The following BMPR1B variants were observed in gnomAD, a reference collection of about 807,000 sequenced individuals.
The protein encoded by BMPR1B is bone morphogenetic protein receptor type 1B, also known as bone morphogenetic protein receptor type-1B.
BMPR1B carries 12 observed loss-of-function variants against 59.1 expected under a neutral mutation model. That is an observed-to-expected ratio of 0.20 (90% CI 0.13 to 0.33). BMPR1B has a LOEUF of 0.33. Ranked by LOEUF, BMPR1B falls within the 10% of genes least tolerant of loss-of-function variation. The pLI is 1.00. For missense variants in BMPR1B, 550 were observed against 610.9 expected, an observed-to-expected ratio of 0.90 and a Z score of 1.05; for synonymous variants, 237 against 207.3, an observed-to-expected ratio of 1.14 and a Z score of -1.23.
chr4:94,903,219 G>A (rs914658790), intron 2 of BMPR1B, among the ~76,000 whole-genome samples: 7 of 151,948 alleles, frequency 4.6e-5, no homozygotes, highest in African/African-American at 1.7e-4. Flanking sequence ...GAACAAGTTT[G>A]TCAGCTACCT....
chr4:95,010,778 T>G (rs1055482646), intron 3 of BMPR1B, among the ~76,000 whole-genome samples: 3 of 152,152 alleles, frequency 2.0e-5, no homozygotes, highest in African/African-American at 7.2e-5. Flanking sequence ...TAAGAAAGAT[T>G]TGTTTCAGGG....
intron 3 of BMPR1B, among the ~76,000 whole-genome samples, chr4:95,098,103 A>G (rs1289484948): frequency 6.6e-6 from 1 of 152,178 alleles, no homozygotes; most frequent in African/African-American, 2.4e-5. Context: ...GTGAGAAAGT[A>G]CATTCTTATA....
At chr4:94,880,764 A>G (rs1286716249) in intron 2 of BMPR1B, among the ~76,000 whole-genome samples, 3 of 151,134 alleles carry the variant, frequency 2.0e-5, no homozygotes, top group Non-Finnish European at 4.4e-5. Flanking sequence ...CAGCCTCCCA[A>G]GTAGCTGAGA....
chr4:94,804,591 T>TC (rs1723538037), intron 1 of BMPR1B, among the ~76,000 whole-genome samples: 1 of 7,796 alleles, frequency 1.3e-4, no homozygotes, highest in African/African-American at 3.1e-4. Flanking sequence ...TTTGTAATAC[T>TC]TTTTTTTTTT....
At chr4:95,103,259 C>G (rs1012244275) in intron 3 of BMPR1B, among the ~76,000 whole-genome samples, 9 of 152,038 alleles carry the variant, frequency 5.9e-5, no homozygotes, top group Admixed American at 5.9e-4. Context: ...TTCTAATTCT[C>G]TGATGGAACC....
At chr4:94,888,200 T>C (rs563545703) in intron 2 of BMPR1B, among the ~76,000 whole-genome samples, 53 of 152,208 alleles carry the variant, frequency 3.5e-4, no homozygotes, top group South Asian at 1.5e-3. Context: ...TGTAAGAGTT[T>C]ATGGAATTTT....
chr4:95,026,785 G>A lies in BMPR1B; in HGVS notation c.-18+30651G>A, dbSNP rs774228059. ...TCCCTTCCATTCTTATTTATTAGAG[G>A]TAGTGTCTCACTCTTATCCAGGATG... is the stretch of plus-strand genomic sequence containing the variant. On this transcript the variant is annotated intron_variant, in intron 3 of 12. Coordinates refer to ENST00000515059, the MANE Select transcript of BMPR1B (RefSeq NM_001203.3). Among the ~76,000 whole-genome samples, 61 of 147,978 alleles carry A rather than the reference G, an allele frequency of 4.1e-4. 1 individual carries two copies. Among genetic ancestry groups the A allele is most frequent in the Non-Finnish European group, 1.2e-4 (8 of 67,380 alleles).
At chr4:94,814,388 C>T (rs1269251743) in intron 1 of BMPR1B, among the ~76,000 whole-genome samples, 4 of 152,138 alleles carry the variant, frequency 2.6e-5, no homozygotes, top group Non-Finnish European at 4.4e-5. Flanking sequence ...TAATTGTTGA[C>T]CTATCCTCCT....
chr4:94,902,476 G>C (rs977359572), intron 2 of BMPR1B, among the ~76,000 whole-genome samples: 2 of 151,772 alleles, frequency 1.3e-5, no homozygotes, highest in South Asian at 2.1e-4. Context: ...AGAGTGAGAA[G>C]GATGATGGCA....
intron 2 of BMPR1B, among the ~76,000 whole-genome samples, chr4:94,961,093 C>T (rs1404318074): frequency 6.6e-6 from 1 of 151,100 alleles, no homozygotes; most frequent in African/African-American, 2.5e-5. Flanking sequence ...AGAATGAGAG[C>T]GAGCCAAACT....
At chr4:95,139,961 G>A (rs2865397) in intron 10 of BMPR1B, among the ~76,000 whole-genome samples, 97,542 of 151,944 alleles carry the variant, frequency 0.64, 31,796 homozygotes, top group Middle Eastern at 0.75. Flanking sequence ...CCCCAGTGAG[G>A]TGAGCCCAGT....
chr4:95,033,635 C>T (rs980397460), intron 3 of BMPR1B, among the ~76,000 whole-genome samples: 1 of 151,984 alleles, frequency 6.6e-6, no homozygotes, highest in Non-Finnish European at 1.5e-5. Flanking sequence ...GAGGGAATGG[C>T]CTAAGTTAAG....
intron 1 of BMPR1B, among the ~76,000 whole-genome samples, chr4:94,831,857 G>T (rs1207582888): frequency 1.4e-4 from 21 of 152,106 alleles, no homozygotes; most frequent in Admixed American, 1.4e-3. Flanking sequence ...ATTCTCATAG[G>T]ATTGCGAACC....
intron 1 of BMPR1B, among the ~76,000 whole-genome samples, chr4:94,796,788 T>A (rs970152283): frequency 6.6e-6 from 1 of 152,194 alleles, no homozygotes; most frequent in Admixed American, 6.5e-5. Context: ...CATTCAAAAT[T>A]GTTGTGGGTG....
intron 1 of BMPR1B, among the ~76,000 whole-genome samples, chr4:94,814,399 T>C (rs551027919): frequency 2.0e-5 from 3 of 152,314 alleles, no homozygotes; most frequent in South Asian, 4.1e-4. Flanking sequence ...CTATCCTCCT[T>C]CTGCTTTTCA....
At chr4:94,771,805 AG>A (rs1450567675) in intron 1 of BMPR1B, among the ~76,000 whole-genome samples, 4 of 152,334 alleles carry the variant, frequency 2.6e-5, no homozygotes, top group African/African-American at 9.6e-5. Flanking sequence ...TAGATAGCCC[AG>A]GTAACTTGCT....
intron 1 of BMPR1B, among the ~76,000 whole-genome samples, chr4:94,864,444 G>A (rs1726123868): frequency 6.6e-6 from 1 of 152,162 alleles, no homozygotes; most frequent in Non-Finnish European, 1.5e-5. Context: ...TGTAGAACAA[G>A]GAAGGATTGG....
chr4:95,130,835 A>G (rs369492076), intron 9 of BMPR1B, among the ~76,000 whole-genome samples: 28 of 145,970 alleles, frequency 1.9e-4, no homozygotes, highest in Admixed American at 1.1e-3. Flanking sequence ...GGTTAAAGCA[A>G]TTCTCCTGCT....
chr4:94,971,298 T>C (rs1047773088), intron 2 of BMPR1B, among the ~76,000 whole-genome samples: 1 of 152,248 alleles, frequency 6.6e-6, no homozygotes, highest in Admixed American at 6.5e-5. Context: ...GTGTATCCCA[T>C]TGGCATTTGA....
Sources: gnomAD v4.1 joint callset for allele counts (sites outside exome capture counted in the v4.1 genomes callset) on GRCh38, gnomAD v4.1.1 for gene constraint, MANE v1.5 for transcripts, NCBI Gene and HGNC (gene_info 2026-07-23, HGNC 2026-07-21) for gene names.